Variants in SCHIP1 observed in about 807,000 individuals in gnomAD.
SCHIP1 encodes schwannomin interacting protein 1.
A neutral mutation model predicts 29.7 loss-of-function variants in SCHIP1; 8 were observed. That is an observed-to-expected ratio of 0.27 (90% CI 0.16 to 0.49). SCHIP1 has a LOEUF of 0.49. Ranked by LOEUF, SCHIP1 falls within the 20% of genes least tolerant of loss-of-function variation. The pLI is 0.99. For synonymous variants in SCHIP1, 76 were observed against 94.9 expected, an observed-to-expected ratio of 0.80 and a Z score of 1.16; for missense variants, 193 against 294.6, an observed-to-expected ratio of 0.66 and a Z score of 2.52.
At chr3:159,862,907 G>A (rs1714210823) in intron 1 of SCHIP1, among the ~76,000 whole-genome samples, 1 of 152,136 alleles carries the variant, frequency 6.6e-6, no homozygotes, top group African/African-American at 2.4e-5. Flanking sequence ...ATGTGGATTG[G>A]AACAGCTTTT....
chr3:159,718,529 CA>C, the SCHIP1 span, among the ~76,000 whole-genome samples: 1 of 152,324 alleles, frequency 6.6e-6, no homozygotes, highest in East Asian at 1.9e-4. Context: ...GCAACTTCAG[CA>C]AAGTCTCAGG....
In SCHIP1 at chr3:159,868,570, G is replaced by A. The variant is rs1042933624; in HGVS notation, c.149+2289G>A. Among the ~76,000 whole-genome samples the A allele has an allele frequency of 1.2e-4, 18 of 152,012 alleles. 1 individual carries two copies. The highest frequency in any genetic ancestry group is 1.2e-3 in the Admixed American group (18 of 15,262). ...TTATGCATTATTCCCACTGAACCAC[G>A]TAGTAAACTATGGTTACTTGAGAAA... is the stretch of plus-strand genomic sequence containing the variant. On this transcript the variant is annotated intron_variant, in intron 2 of 6. Coordinates refer to ENST00000445224, the Ensembl canonical transcript of SCHIP1.
At position 159,890,054 on chromosome 3, in the gene SCHIP1, C is replaced by T. The variant is rs1717344310; in HGVS notation, c.589+1111C>T. On this transcript the variant is annotated intron_variant, in intron 5 of 6. Transcript: ENST00000445224. ...AGCTTGCAGTGAGCCGAGATCTCGC[C>T]ACTGCACTCCAGCCTGGGTGACAGA... Among the ~76,000 whole-genome samples, 4 of 150,700 alleles carry T rather than the reference C, an allele frequency of 2.7e-5. No individual in the cohort carries two copies. In the South Asian group the frequency reaches 8.4e-4, roughly 31 times the overall value.
chr3:159,671,280 G>A, the SCHIP1 span, among the ~76,000 whole-genome samples: 3 of 152,182 alleles, frequency 2.0e-5, no homozygotes. Flanking sequence ...CAAGTCCCTT[G>A]TGAGCACAGT....
chr3:159,437,642 A>T, the SCHIP1 span, among the ~76,000 whole-genome samples: 1 of 152,042 alleles, frequency 6.6e-6, no homozygotes, highest in Non-Finnish European at 1.5e-5. Context: ...TTTAAAAAAA[A>T]AAATCTACAT....
At chr3:159,592,251 T>C in the SCHIP1 span, among the ~76,000 whole-genome samples, 1 of 152,150 alleles carries the variant, frequency 6.6e-6, no homozygotes, top group Non-Finnish European at 1.5e-5. Context: ...AAATCTGTAA[T>C]CTCCAAGGTG....
chr3:159,414,999 T>C, the SCHIP1 span, among the ~76,000 whole-genome samples: 1 of 151,966 alleles, frequency 6.6e-6, no homozygotes, highest in African/African-American at 2.4e-5. Flanking sequence ...AGCCCAGGGG[T>C]CGCAGACTGC....
chr3:159,350,129 T>C, the SCHIP1 span, among the ~76,000 whole-genome samples: 1 of 152,182 alleles, frequency 6.6e-6, no homozygotes, highest in African/African-American at 2.4e-5. Flanking sequence ...CACTCTGTGC[T>C]TAGCTCCTGC....
At chr3:159,808,063 A>G in the SCHIP1 span, among the ~76,000 whole-genome samples, 1 of 152,220 alleles carries the variant, frequency 6.6e-6, no homozygotes, top group Non-Finnish European at 1.5e-5. Flanking sequence ...AACAAGGAAC[A>G]TTTGTTCAGC....
the SCHIP1 span, among the ~76,000 whole-genome samples, chr3:159,721,164 A>G: frequency 5.3e-5 from 8 of 152,328 alleles, no homozygotes; most frequent in African/African-American, 1.9e-4. Flanking sequence ...ATGATTGCAT[A>G]TATAATGATA....
At chr3:159,418,966 A>T in the SCHIP1 span, among the ~76,000 whole-genome samples, 1 of 152,214 alleles carries the variant, frequency 6.6e-6, no homozygotes, top group East Asian at 1.9e-4. Context: ...TGCTATAGAA[A>T]TTCATGGGCC....
chr3:159,762,196 G>C, the SCHIP1 span, among the ~76,000 whole-genome samples: 3 of 152,222 alleles, frequency 2.0e-5, no homozygotes, highest in Non-Finnish European at 2.9e-5. Context: ...GCTGTTTACA[G>C]ATGTTACCAT....
the SCHIP1 span, among the ~76,000 whole-genome samples, chr3:159,827,153 T>G: frequency 6.6e-6 from 1 of 152,200 alleles, no homozygotes; most frequent in African/African-American, 2.4e-5. Flanking sequence ...CTTCTACTAT[T>G]CAGATGACTA....
At chr3:159,422,796 G>A in the SCHIP1 span, among the ~76,000 whole-genome samples, 4 of 152,144 alleles carry the variant, frequency 2.6e-5, no homozygotes, top group Admixed American at 1.3e-4. Flanking sequence ...TCTCATTGCT[G>A]TACAGTATTC....
At chr3:159,744,871 G>T in the SCHIP1 span, among the ~76,000 whole-genome samples, 1 of 152,178 alleles carries the variant, frequency 6.6e-6, no homozygotes, top group Non-Finnish European at 1.5e-5. Context: ...TGTAGTCCCA[G>T]CTACTCGGGA....
the SCHIP1 span, among the ~76,000 whole-genome samples, chr3:159,394,360 G>T: frequency 1.3e-5 from 2 of 152,050 alleles, no homozygotes; most frequent in African/African-American, 2.4e-5. Flanking sequence ...TGTTGAATAG[G>T]AGTGGTGAGA....
At chr3:159,765,001 G>A in the SCHIP1 span, 1 of 1,532,324 alleles carries the variant, frequency 6.5e-7, no homozygotes, top group Non-Finnish European at 8.8e-7. Flanking sequence ...TCAGCCCCCA[G>A]ACGGCGGGAC....
the SCHIP1 span, among the ~76,000 whole-genome samples, chr3:159,556,058 A>G: frequency 3.9e-5 from 6 of 152,180 alleles, no homozygotes; most frequent in Non-Finnish European, 8.8e-5. Context: ...CCAGAATTTA[A>G]ACAAATTTAC....
the SCHIP1 span, among the ~76,000 whole-genome samples, chr3:159,668,244 G>A: frequency 6.6e-6 from 1 of 152,076 alleles, no homozygotes. Context: ...GGGCGTGGTG[G>A]CAGGCGCCTG....
Sources: allele counts gnomAD v4.1 joint callset (sites outside exome capture counted in the v4.1 genomes callset), GRCh38; gene constraint gnomAD v4.1.1; transcripts MANE v1.5; gene names NCBI Gene and HGNC (gene_info 2026-07-23, HGNC 2026-07-21).